FLT4: variants seen among roughly 807,000 people sequenced by gnomAD.
The protein encoded by FLT4 is vascular endothelial growth factor receptor 3.
Under a neutral mutation model 163.2 loss-of-function variants are expected in FLT4, and 30 were observed. The ratio of observed to expected loss-of-function variants is 0.18; its 90% CI spans 0.14 to 0.25. FLT4 has a LOEUF of 0.25. Among genes scored for constraint, FLT4 ranks in the 10% least tolerant of loss-of-function variants. The pLI is 1.00. For missense variants in FLT4, 1,510 were observed against 1,863.8 expected (o/e 0.81, Z 3.50); for synonymous variants, 884 against 789.5 (o/e 1.12, Z -2.01).
chr5:180,611,613 TC>T lies in FLT4; in HGVS notation c.3538-135del. 3 of 941,568 alleles carry T rather than the reference TC, an allele frequency of 3.2e-6. No individual in the cohort carries two copies. The African/African-American group carries it at 5.4e-5, about 17-fold the overall frequency. The allele number at this position is 941,568 out of a possible 1,614,324, so 58.3% of individuals were successfully genotyped here. On this transcript the variant is annotated intron_variant, in intron 26 of 29. Coordinates refer to ENST00000261937, the MANE Select transcript of FLT4 (RefSeq NM_182925.5). ...CAGCCCTCGCCCCCGCACTCAGCTCTCGCCCCCGCCCTCGCCCTGCCCTCAG... is the reference window on the plus strand; with the variant it reads ...CAGCCCTCGCCCCCGCACTCAGCTCTGCCCCCGCCCTCGCCCTGCCCTCAG...
chr5:180,608,388 T>C, intron 29 of FLT4: 1 of 697,908 alleles, frequency 1.4e-6, no homozygotes, highest in Non-Finnish European at 2.6e-6. Flanking sequence ...TTGCATGCAA[T>C]AAATATCAGC....
chr5:180,627,761 A>G (rs550878341), intron 8 of FLT4, among the ~76,000 whole-genome samples: 1 of 152,272 alleles, frequency 6.6e-6, no homozygotes, highest in East Asian at 1.9e-4. Flanking sequence ...GAGCAGGCTC[A>G]GTAATGGTGG....
chr5:180,644,608 C>A (rs558308764), intron 1 of FLT4, among the ~76,000 whole-genome samples: 1 of 152,328 alleles, frequency 6.6e-6, no homozygotes, highest in South Asian at 2.1e-4. Flanking sequence ...CCCTTGTGGC[C>A]TGAATTTCCT....
At chr5:180,629,062 C>T in intron 7 of FLT4, 63 bp from the exon 8 acceptor site, 2 of 1,472,800 alleles carry the variant, frequency 1.4e-6, no homozygotes, top group Non-Finnish European at 9.5e-7. Context: ...ACCAGGGACT[C>T]CCCCCACGGC....
chr5:180,614,583 A>G (rs778256444), intron 23 of FLT4, among the ~76,000 whole-genome samples: 2 of 151,990 alleles, frequency 1.3e-5, no homozygotes, highest in Non-Finnish European at 2.9e-5. Flanking sequence ...CCACCCTGGA[A>G]GCCGGGCCAT....
At chr5:180,612,257 C>T (rs536453623) in intron 26 of FLT4, 63 of 577,212 alleles carry the variant, frequency 1.1e-4, no homozygotes, top group Admixed American at 7.8e-4. Flanking sequence ...ATTCCCCTCG[C>T]GCAGGGACAG....
chr5:180,617,033 T>C (rs375267792), intron 21 of FLT4, 39 bp from the exon 22 acceptor site: 111 of 1,452,548 alleles, frequency 7.6e-5, no homozygotes, highest in Non-Finnish European at 1.0e-4. Flanking sequence ...AGGCGCCTCC[T>C]CCGCGGCCTC....
At chr5:180,617,855 C>T (rs1261410153) in intron 21 of FLT4, among the ~76,000 whole-genome samples, 2 of 81,184 alleles carry the variant, frequency 2.5e-5, no homozygotes, top group Non-Finnish European at 5.3e-5. Flanking sequence ...GCCCCTCAAC[C>T]TCTGGGACAC....
rs796309150 is a variant in FLT4 at position 180,606,912 on chromosome 5, A to C, written c.3893+2056T>G. Among the ~76,000 whole-genome samples, 680 of 107,970 alleles carry C rather than the reference A, an allele frequency of 6.3e-3. 7 individuals carry two copies. Among genetic ancestry groups the C allele is most frequent in the African/African-American group, 0.018 (607 of 33,030 alleles). The allele number at this position is 107,970 out of a possible 152,430, so 70.8% of individuals were successfully genotyped here. A position where few individuals can be genotyped will look rare whatever the true frequency, so the allele number is the denominator to read the frequency against. ...CTCTACTAAAAAAAAAAAAAAAAAAAAAACAAACAAACAAACTTAGCTGGG... is the reference window on the plus strand; with the variant it reads ...CTCTACTAAAAAAAAAAAAAAAAAACAAACAAACAAACAAACTTAGCTGGG... On this transcript the variant is annotated intron_variant, in intron 29 of 29. Transcript: ENST00000261937.
At chr5:180,642,740 G>C (rs780367877) in intron 1 of FLT4, among the ~76,000 whole-genome samples, 2 of 152,206 alleles carry the variant, frequency 1.3e-5, no homozygotes, top group Non-Finnish European at 2.9e-5. Flanking sequence ...AGAGGAGCAA[G>C]TACCACAAAG....
chr5:180,627,604 G>A (rs1162043299), intron 8 of FLT4, among the ~76,000 whole-genome samples: 2 of 152,236 alleles, frequency 1.3e-5, no homozygotes, highest in African/African-American at 4.8e-5. Flanking sequence ...TGGTGCCATA[G>A]GAAGGGTGGG....
At position 180,607,872 on chromosome 5, in the gene FLT4, G is replaced by A. The variant is rs1428208507; in HGVS notation, c.3893+1096C>T. 3.7e-5 allele frequency: 21 copies of A among 563,938 alleles called. No individual in the cohort carries two copies. The South Asian group carries it at 4.1e-4, about 11-fold the overall frequency. 34.9% of individuals were successfully genotyped at this position (563,938 alleles called of 1,614,324 possible). On this transcript the variant is annotated intron_variant, in intron 29 of 29. Transcript: ENST00000261937. ...GGACATTGTGAGAAGTGACCTAGAA[G>A]GCAAGAGGTGAGCCCTCTGTCACGC...
intron 29 of FLT4, among the ~76,000 whole-genome samples, chr5:180,605,954 A>C (rs1439520834): frequency 2.0e-5 from 3 of 152,218 alleles, no homozygotes; most frequent in African/African-American, 7.2e-5. Flanking sequence ...CCAGTGGTTA[A>C]CAGGAGACAG....
At position 180,620,188 on chromosome 5, in the gene FLT4, C is replaced by T. The variant is rs748821416; in HGVS notation, c.2527G>A (p.Glu843Lys). ...CTGGCCTCACCCAGGTGCAGCCGCT[C>T]TCGGGGGAATTCCCACTGGCTGGCA... ...YDASQWEFPR[E>K]RLHLGRVLGY... The change falls in exon 17 of 30, where the codon GAG becomes AAG. Residue 843 changes from glutamate (E) to lysine (K), a missense_variant. By Grantham distance (56) the Glu-to-Lys change is moderately conservative. Coordinates refer to ENST00000261937, the MANE Select transcript of FLT4 (RefSeq NM_182925.5). The surrounding 1 kb of genome is among the most constrained non-coding windows in gnomAD (Gnocchi z 4.4). The T allele has an allele frequency of 6.2e-7, 1 of 1,608,342 alleles. No individual in the cohort carries two copies. The highest frequency in any genetic ancestry group is 1.1e-5 in the South Asian group (1 of 91,066).
intron 1 of FLT4, among the ~76,000 whole-genome samples, chr5:180,633,787 A>G (rs541979504): frequency 1.3e-5 from 2 of 152,196 alleles, no homozygotes; most frequent in Admixed American, 6.5e-5. Flanking sequence ...ATGGGGCTAG[A>G]CCCGTCCGGA....
In FLT4 at chr5:180,621,161, C is replaced by T. The variant is rs368114734; in HGVS notation, c.2112G>A (p.Ala704=). ...TGTACCACACGATGCTGGGCGCGTGCGCTCCGGCCACCAAGCACTGCATCT... is the reference window on the plus strand; with the variant it reads ...TGTACCACACGATGCTGGGCGCGTGTGCTCCGGCCACCAAGCACTGCATCT... ...SLEMQCLVAG[A]HAPSIVWYKD... The change falls in exon 14 of 30, where the codon GCG becomes GCA. Residue 704 remains alanine, a synonymous_variant. Transcript: ENST00000261937. 1.2e-4 allele frequency: 190 copies of T among 1,612,716 alleles called. No homozygotes were observed. Among genetic ancestry groups the T allele is most frequent in the Non-Finnish European group, 1.6e-4 (183 of 1,179,996 alleles).
chr5:180,631,459 T>C lies in FLT4; in HGVS notation c.155+223A>G, dbSNP rs537013378. Among the ~76,000 whole-genome samples, 425 of 149,976 alleles carry C rather than the reference T, an allele frequency of 2.8e-3. 3 individuals are homozygous for C. Among genetic ancestry groups the C allele is most frequent in the East Asian group, 0.014 (72 of 5,042 alleles). ...CTGCACTCCAGCCTGGGTGACAGAG[T>C]GAGACTCCATCTCAGAAAAAAAAAA... is the stretch of plus-strand genomic sequence containing the variant. On this transcript the variant is annotated intron_variant, in intron 2 of 29. Transcript: ENST00000261937.
intron 8 of FLT4, among the ~76,000 whole-genome samples, chr5:180,627,006 C>T (rs1057335258): frequency 1.1e-4 from 16 of 152,214 alleles, no homozygotes; most frequent in East Asian, 3.8e-4. Context: ...GGGAGCCCCA[C>T]GAGGGCAGTG....
Position 180,615,684 on chromosome 5 carries a change from C to CGCT in FLT4, c.3219+682_3219+683insAGC, listed in dbSNP as rs1447772104. On this transcript the variant is annotated intron_variant, in intron 23 of 29. Coordinates refer to ENST00000261937, the MANE Select transcript of FLT4 (RefSeq NM_182925.5). ...CTTCCTTTCGGAGCACTGGGCCTGC[C>CGCT]GGTCACCTCCCTTCTCCACTTCCGA... Among the ~76,000 whole-genome samples, 365 of 63,368 alleles carry CGCT rather than the reference C, an allele frequency of 5.8e-3. 15 individuals are homozygous for CGCT. Among genetic ancestry groups the CGCT allele is most frequent in the Middle Eastern group, 0.01 (1 of 100 alleles). 41.6% of individuals were successfully genotyped at this position (63,368 alleles called of 152,430 possible). A position where few individuals can be genotyped will look rare whatever the true frequency, so the allele number is the denominator to read the frequency against.
Sources: gnomAD v4.1 joint callset for allele counts (sites outside exome capture counted in the v4.1 genomes callset) on GRCh38, gnomAD v4.1.1 for gene constraint, Gnocchi (gnomAD v3.1) non-coding constraint, MANE v1.5 for transcripts, NCBI Gene and HGNC (gene_info 2026-07-23, HGNC 2026-07-21) for gene names.